The following NELL1 variants were observed in gnomAD, a reference collection of about 807,000 sequenced individuals.
The protein encoded by NELL1 is neural EGFL like 1, also known as protein kinase C-binding protein NELL1.
A neutral mutation model predicts 107.4 loss-of-function variants in NELL1; 76 were observed. The observed-to-expected ratio is 0.71, with a 90% CI of 0.59 to 0.86. The LOEUF (loss-of-function observed/expected upper bound fraction) is 0.86. NELL1 is among the 40% of genes least tolerant of loss of function. The pLI is 0.00. For missense variants in NELL1, 1,024 were observed against 1,005.5 expected (o/e 1.02, Z -0.25); for synonymous variants, 353 against 341.2 (o/e 1.03, Z -0.38).
Position 20,755,562 on chromosome 11 carries a change from G to GTT in NELL1, c.185-28106_185-28105dup, listed in dbSNP as rs869257918. On this transcript the variant is annotated intron_variant, in intron 2 of 19. Transcript: ENST00000357134. ...TTTGTTTTTTTTTGTTTTTGTTTTTGTTTTTTTTTTTTTGAGACAGAATCT... is the reference window on the plus strand; with the variant it reads ...TTTGTTTTTTTTTGTTTTTGTTTTTGTTTTTTTTTTTTTTTGAGACAGAATCT... Among the ~76,000 whole-genome samples, 65 of 26,058 alleles carry GTT rather than the reference G, an allele frequency of 2.5e-3. 1 individual carries two copies. The South Asian group carries it at 0.15, about 59-fold the overall frequency. The allele number at this position is 26,058 out of a possible 152,430, so 17.1% of individuals were successfully genotyped here.
At chr11:21,118,016 C>T (rs1034471041) in intron 13 of NELL1, among the ~76,000 whole-genome samples, 3 of 151,994 alleles carry the variant, frequency 2.0e-5, no homozygotes, top group African/African-American at 4.8e-5. Flanking sequence ...AGATTGCCAA[C>T]AAATATGGTT....
chr11:21,522,626 G>A (rs996812430), intron 15 of NELL1, among the ~76,000 whole-genome samples: 7 of 152,024 alleles, frequency 4.6e-5, no homozygotes, highest in Non-Finnish European at 8.8e-5. Context: ...TGTACATCCC[G>A]TGATGGACAC....
chr11:20,846,779 G>A lies in NELL1; in HGVS notation c.336-804G>A, dbSNP rs866148488. Among the ~76,000 whole-genome samples the A allele has an allele frequency of 2.6e-5, 4 of 152,288 alleles. No individual in the cohort carries two copies. The East Asian group carries it at 5.8e-4, about 22-fold the overall frequency. ...CCCTGGCAGTGAGATCAGGCCCAAC[G>A]TTGATGACAATGACACATTTCAGAA... On this transcript the variant is annotated intron_variant, in intron 3 of 19. Coordinates refer to ENST00000357134, the MANE Select transcript of NELL1 (RefSeq NM_006157.5).
chr11:21,067,270 A>AT (rs1282940835), intron 12 of NELL1, among the ~76,000 whole-genome samples: 7 of 152,210 alleles, frequency 4.6e-5, no homozygotes, highest in South Asian at 4.1e-4. Flanking sequence ...AAAGGAAATG[A>AT]TTAGGAGAAA....
chr11:20,815,624 G>A (rs192073554), intron 3 of NELL1, among the ~76,000 whole-genome samples: 8 of 152,234 alleles, frequency 5.3e-5, no homozygotes, highest in Admixed American at 4.6e-4. Context: ...GCTGTTAATA[G>A]TTTATCTTGC....
At chr11:21,399,004 G>A (rs1453447574) in intron 15 of NELL1, among the ~76,000 whole-genome samples, 1 of 150,836 alleles carries the variant, frequency 6.6e-6, no homozygotes, top group Non-Finnish European at 1.5e-5. Context: ...ATTCAGATTT[G>A]TCTTTTGGTG....
chr11:20,793,537 A>C (rs1436749435), intron 3 of NELL1, among the ~76,000 whole-genome samples: 1 of 151,776 alleles, frequency 6.6e-6, no homozygotes, highest in Non-Finnish European at 1.5e-5. Context: ...TCTTGTTGGT[A>C]TTTTTACTAG....
intron 16 of NELL1, among the ~76,000 whole-genome samples, chr11:21,543,723 G>A (rs774841698): frequency 1.1e-4 from 16 of 151,926 alleles, no homozygotes; most frequent in South Asian, 2.1e-4. Context: ...GGCTAAATTG[G>A]ATACATTTTA....
At chr11:21,435,725 T>C (rs1853096279) in intron 15 of NELL1, among the ~76,000 whole-genome samples, 1 of 152,076 alleles carries the variant, frequency 6.6e-6, no homozygotes, top group Admixed American at 6.6e-5. Context: ...TTTGGTTTGC[T>C]AGTAATTTGT....
At chr11:21,021,085 C>G (rs1852689587) in intron 12 of NELL1, among the ~76,000 whole-genome samples, 1 of 151,334 alleles carries the variant, frequency 6.6e-6, no homozygotes, top group South Asian at 2.1e-4. Flanking sequence ...TTTAGACTTT[C>G]ACAACTACCA....
chr11:21,528,516 C>T (rs1855913807), intron 15 of NELL1, among the ~76,000 whole-genome samples: 1 of 45,980 alleles, frequency 2.2e-5, no homozygotes, highest in African/African-American at 5.4e-5. Flanking sequence ...TACCCACCCC[C>T]CCCCCCTTTT....
chr11:20,769,393 G>A (rs569246907), intron 2 of NELL1: 1 of 152,318 alleles, frequency 6.6e-6, no homozygotes, highest in African/African-American at 2.4e-5. Flanking sequence ...AGTTACCAAG[G>A]GTTCACTTAG....
chr11:21,512,128 T>TA (rs1855453549), intron 15 of NELL1, among the ~76,000 whole-genome samples: 1 of 152,160 alleles, frequency 6.6e-6, no homozygotes, highest in Non-Finnish European at 1.5e-5. Flanking sequence ...GTTCCAGAAA[T>TA]ACCCTTGTGA....
Position 21,096,418 on chromosome 11 carries a change from G to A in NELL1, c.1301-17171G>A, listed in dbSNP as rs1402417750. On this transcript the variant is annotated intron_variant, in intron 12 of 19. Transcript: ENST00000357134. Reference sequence around the variant, plus strand: ...GTGGAGGTTGTATTTTCTCCCAGAAGCAGCATCAACTTTTCCAAAGACAGC... The same window carrying A: ...GTGGAGGTTGTATTTTCTCCCAGAAACAGCATCAACTTTTCCAAAGACAGC... 2.0e-5 allele frequency among the ~76,000 whole-genome samples: 3 copies of A among 152,298 alleles called. No homozygotes were observed. In the South Asian group the frequency reaches 6.2e-4, roughly 32 times the overall value.
intron 15 of NELL1, among the ~76,000 whole-genome samples, chr11:21,418,763 CAT>C (rs1321777844): frequency 4.6e-5 from 7 of 151,986 alleles, no homozygotes; most frequent in Non-Finnish European, 8.8e-5. Context: ...GCTTTAAAGC[CAT>C]TGCATAGTTC....
At chr11:21,526,975 C>A (rs1027925150) in intron 15 of NELL1, among the ~76,000 whole-genome samples, 31 of 152,308 alleles carry the variant, frequency 2.0e-4, no homozygotes, top group African/African-American at 7.0e-4. Context: ...CAAATTTCTG[C>A]TGCCTGCTTG....
intron 15 of NELL1, among the ~76,000 whole-genome samples, chr11:21,498,754 C>A (rs891567742): frequency 2.6e-5 from 4 of 151,794 alleles, no homozygotes; most frequent in African/African-American, 9.7e-5. Flanking sequence ...AGAGATTTAC[C>A]CATTTATACC....
intron 12 of NELL1, among the ~76,000 whole-genome samples, chr11:21,005,826 T>G (rs1852316252): frequency 6.6e-6 from 1 of 152,160 alleles, no homozygotes; most frequent in South Asian, 2.1e-4. Context: ...CACGGTATAC[T>G]TATTCTTGGT....
At chr11:21,370,972 G>A in intron 15 of NELL1, 24 bp downstream of exon 15, 1 of 1,529,428 alleles carries the variant, frequency 6.5e-7, no homozygotes, top group Non-Finnish European at 9.0e-7. Flanking sequence ...TTTTATGGGG[G>A]ATAGGGACAA....
Sources: gnomAD v4.1 joint callset for allele counts (sites outside exome capture counted in the v4.1 genomes callset) on GRCh38, gnomAD v4.1.1 for gene constraint, MANE v1.5 for transcripts, NCBI Gene and HGNC (gene_info 2026-07-23, HGNC 2026-07-21) for gene names.